IPCEF1: variants seen among roughly 807,000 people sequenced by gnomAD.
IPCEF1 encodes the protein interaction protein for cytohesin exchange factors 1, also known as interactor protein for cytohesin exchange factors 1.
A neutral mutation model predicts 50.9 loss-of-function variants in IPCEF1; 31 were observed. That is an observed-to-expected ratio of 0.61 (90% confidence interval 0.46 to 0.82). The LOEUF (loss-of-function observed/expected upper bound fraction) is 0.82. Among genes scored for constraint, IPCEF1 ranks in the 40% least tolerant of loss-of-function variants. IPCEF1 has a pLI of 0.00. For synonymous variants in IPCEF1, 181 were observed against 192.0 expected (o/e 0.94, Z 0.47); for missense variants, 458 against 514.0 (o/e 0.89, Z 1.05).
chr6:154,261,621 G>T (rs569255503), intron 3 of IPCEF1, among the ~76,000 whole-genome samples: 2 of 152,274 alleles, frequency 1.3e-5, no homozygotes, highest in South Asian at 2.1e-4. Flanking sequence ...AGAGAGAAAA[G>T]AATACTATCA....
intron 9 of IPCEF1, among the ~76,000 whole-genome samples, chr6:154,204,848 G>A (rs561795433): frequency 6.6e-5 from 10 of 152,094 alleles, no homozygotes; most frequent in Non-Finnish European, 1.2e-4. Context: ...AATATCCATA[G>A]TATTCATTAG....
At chr6:154,210,683 G>A (rs1777887822) in intron 9 of IPCEF1, among the ~76,000 whole-genome samples, 1 of 152,022 alleles carries the variant, frequency 6.6e-6, no homozygotes, top group African/African-American at 2.4e-5. Flanking sequence ...AAAAGGAGAA[G>A]GATTACACTG....
chr6:154,310,385 G>A (rs909711406), intron 1 of IPCEF1, among the ~76,000 whole-genome samples: 10 of 152,220 alleles, frequency 6.6e-5, no homozygotes, highest in Non-Finnish European at 1.5e-4. Flanking sequence ...ACTAGAGGAA[G>A]GGGAGGAGGT....
intron 3 of IPCEF1, among the ~76,000 whole-genome samples, chr6:154,253,306 G>T (rs183077316): frequency 1.1e-3 from 161 of 152,150 alleles, no homozygotes; most frequent in African/African-American, 3.6e-3. Context: ...CCAAAGTGCT[G>T]GGATTACAGG....
intron 1 of IPCEF1, among the ~76,000 whole-genome samples, chr6:154,294,308 T>A (rs753647965): frequency 5.3e-5 from 8 of 152,322 alleles, no homozygotes; most frequent in Non-Finnish European, 1.2e-4. Flanking sequence ...CGAATCCTTT[T>A]TATTATATCA....
intron 3 of IPCEF1, among the ~76,000 whole-genome samples, chr6:154,258,830 A>T (rs1781524235): frequency 6.6e-6 from 1 of 152,248 alleles, no homozygotes; most frequent in African/African-American, 2.4e-5. Context: ...AGACTTCAAG[A>T]CAGAATTGAT....
intron 11 of IPCEF1, among the ~76,000 whole-genome samples, chr6:154,161,094 T>C (rs1918761): frequency 0.67 from 101,908 of 152,202 alleles, 34,772 homozygotes; most frequent in East Asian, 0.89. Flanking sequence ...ACCTCCGTGT[T>C]GTTGTGCCAC....
intron 8 of IPCEF1, 137 bp from the exon 9 acceptor site, chr6:154,212,992 G>GTAAC (rs1353393407): frequency 1.4e-5 from 9 of 661,490 alleles, no homozygotes; most frequent in Non-Finnish European, 2.4e-5. Context: ...GAACTACCTG[G>GTAAC]TAACTACCTG....
At chr6:154,164,299 C>A (rs1251027474) in intron 11 of IPCEF1, among the ~76,000 whole-genome samples, 4 of 152,180 alleles carry the variant, frequency 2.6e-5, no homozygotes, top group African/African-American at 9.7e-5. Context: ...TAAGCTGACA[C>A]TTCTCATATG....
chr6:154,333,785 GTGTATATA>G (rs1373786370), intron 1 of IPCEF1, among the ~76,000 whole-genome samples: 2 of 151,254 alleles, frequency 1.3e-5, no homozygotes, highest in African/African-American at 2.4e-5. Context: ...GTGTGTATAT[GTGTATATA>G]TGTATATATA....
At chr6:154,317,100 G>GA (rs934740630) in intron 1 of IPCEF1, among the ~76,000 whole-genome samples, 3 of 151,886 alleles carry the variant, frequency 2.0e-5, no homozygotes, top group Admixed American at 1.3e-4. Context: ...AAACATAAAA[G>GA]AAAAAAATTC....
intron 10 of IPCEF1, among the ~76,000 whole-genome samples, chr6:154,174,111 C>G (rs888226093): frequency 1.3e-5 from 2 of 152,124 alleles, no homozygotes; most frequent in African/African-American, 4.8e-5. Context: ...CCTTTACAGA[C>G]AAGCAAATGC....
At chr6:154,191,672 TCAACAACAACAACAACAA>T (rs140096033) in intron 10 of IPCEF1, among the ~76,000 whole-genome samples, 4 of 149,572 alleles carry the variant, frequency 2.7e-5, no homozygotes, top group South Asian at 2.1e-4. Flanking sequence ...AGACTTTGCC[TCAACAACAACAACAACAA>T]CAACAACAAC....
intron 1 of IPCEF1, among the ~76,000 whole-genome samples, chr6:154,300,480 A>G (rs1014364000): frequency 6.6e-6 from 1 of 152,138 alleles, no homozygotes; most frequent in Non-Finnish European, 1.5e-5. Flanking sequence ...CAGGCATGGT[A>G]GCGTGCACTG....
At chr6:154,335,742 T>G (rs1344858105) in intron 1 of IPCEF1, among the ~76,000 whole-genome samples, 1 of 151,964 alleles carries the variant, frequency 6.6e-6, no homozygotes, top group African/African-American at 2.4e-5. Context: ...AGCAAACTAT[T>G]TATCCAAGAA....
intron 1 of IPCEF1, among the ~76,000 whole-genome samples, chr6:154,348,040 C>G (rs546815493): frequency 3.9e-5 from 6 of 152,290 alleles, no homozygotes; most frequent in Middle Eastern, 6.8e-3. Flanking sequence ...CTTCATTGCT[C>G]AGCCCACTTA....
intron 1 of IPCEF1, among the ~76,000 whole-genome samples, chr6:154,314,536 C>T (rs1783164157): frequency 6.6e-6 from 1 of 150,560 alleles, no homozygotes; most frequent in Non-Finnish European, 1.5e-5. Flanking sequence ...AAAACTTGCC[C>T]TTCCTCTTGT....
chr6:154,233,819 G>A (rs1198835705), intron 5 of IPCEF1, among the ~76,000 whole-genome samples: 1 of 152,172 alleles, frequency 6.6e-6, no homozygotes, highest in Non-Finnish European at 1.5e-5. Flanking sequence ...TTCTCTGGCT[G>A]CCCTATTCCA....
chr6:154,317,484 G>A (rs545978366), intron 1 of IPCEF1, among the ~76,000 whole-genome samples: 1 of 142,054 alleles, frequency 7.0e-6, no homozygotes, highest in East Asian at 2.2e-4. Context: ...GGGAGGCAGA[G>A]GTTGCAGTGA....
Sources: gnomAD v4.1 joint callset for allele counts (sites outside exome capture counted in the v4.1 genomes callset) on GRCh38, gnomAD v4.1.1 for gene constraint, MANE v1.5 for transcripts, NCBI Gene and HGNC (gene_info 2026-07-23, HGNC 2026-07-21) for gene names.